Variants in BRCA1 observed in about 807,000 individuals in gnomAD.
BRCA1 encodes the protein BRCA1 DNA repair associated, also known as breast cancer type 1 susceptibility protein.
In BRCA1, 140 loss-of-function variants were observed where a neutral mutation model predicts 173.7. The observed-to-expected ratio is 0.81, with a 90% CI of 0.70 to 0.93. BRCA1 has a LOEUF of 0.93. Among genes scored for constraint, BRCA1 ranks in the 40% least tolerant of loss-of-function variants. BRCA1 has a pLI of 0.00. For synonymous variants in BRCA1, 662 were observed against 756.0 expected (o/e 0.88, Z 2.04); for missense variants, 1,983 against 2,172.5 (o/e 0.91, Z 1.73).
At chr17:43,132,126 C>T (rs772382701) in intron 1 of BRCA1, among the ~76,000 whole-genome samples, 7 of 152,150 alleles carry the variant, frequency 4.6e-5, no homozygotes, top group Non-Finnish European at 7.3e-5. Context: ...TGACATTTGC[C>T]CCAATTTACA....
intron 11 of BRCA1, among the ~76,000 whole-genome samples, chr17:43,083,926 C>A (rs1223958007): frequency 6.6e-6 from 1 of 151,990 alleles, no homozygotes; most frequent in Non-Finnish European, 1.5e-5. Flanking sequence ...TGCAGTGGTG[C>A]GATCTTGGCT....
In BRCA1 at chr17:43,092,364, G is replaced by A. The variant is rs587781588; in HGVS notation, c.3167C>T (p.Ser1056Phe). 1 of 1,613,758 alleles carries A rather than the reference G, an allele frequency of 6.2e-7. No homozygotes were observed. Among genetic ancestry groups the A allele is most frequent in the East Asian group, 2.2e-5 (1 of 44,858 alleles). Residue 1056 changes from serine (S) to phenylalanine (F), a missense_variant, in exon 10 of 23, where the codon TCC (serine) becomes TTC (phenylalanine). Transcript: ENST00000357654. ...ACTGGAACCTATTTCATTAATACTG[G>A]AGCCCACTTCATTAGTACTGGAACC... Reference protein sequence around the residue: ...EVGSSTNEVGSSINEIGSSDE... With the variant: ...EVGSSTNEVGFSINEIGSSDE...
intron 2 of BRCA1, chr17:43,119,254 CAG>C (rs2055436915): frequency 4.9e-6 from 1 of 204,272 alleles, no homozygotes. Flanking sequence ...GCCTGGGTGA[CAG>C]AGAATCCATC....
At chr17:43,045,883 T>C in intron 22 of BRCA1, 81 bp from the exon 23 acceptor site, 2 of 1,583,686 alleles carry the variant, frequency 1.3e-6, no homozygotes, top group Admixed American at 1.7e-5. Context: ...TCCAGGGTCC[T>C]GGTTGTATGA....
chr17:43,122,603 T>TG (rs2154572078), intron 2 of BRCA1, among the ~76,000 whole-genome samples: 1 of 152,198 alleles, frequency 6.6e-6, no homozygotes, highest in East Asian at 1.9e-4. Context: ...AAGGTGGTAT[T>TG]TCAATCAAGA....
In BRCA1 at chr17:43,057,105, T is replaced by C. The variant is rs1597810828; in HGVS notation, c.5224A>G (p.Asn1742Asp). 1.2e-6 allele frequency: 2 copies of C among 1,614,104 alleles called. No individual in the cohort carries two copies. The highest frequency in any genetic ancestry group is 1.1e-5 in the South Asian group (1 of 91,088). Residue 1742 changes from asparagine to aspartate, a missense_variant, in exon 19 of 23, where the codon AAT becomes GAT. Transcript: ENST00000357654. ...HDFEVRGDVV[N>D]GRNHQGPKRA... The stretch of plus-strand genomic sequence containing the variant: ...TTTGGACCTTGGTGGTTTCTTCCAT[T>C]GACCACATCTCCTCTGACTTCAAAA...
chr17:43,166,629 C>G (rs2056270152), intron 1 of BRCA1: 1 of 152,200 alleles, frequency 6.6e-6, no homozygotes, highest in Admixed American at 6.5e-5. Context: ...AAACACCACG[C>G]TCACACCACA....
Position 43,104,137 on chromosome 17 carries a change from G to C in BRCA1, c.426C>G (p.Pro142=), listed in dbSNP as rs542687218. 2.5e-6 allele frequency: 4 copies of C among 1,613,542 alleles called. No individual in the cohort carries two copies. The highest frequency in any genetic ancestry group is 8.5e-7 in the Non-Finnish European group (1 of 1,179,832). Residue 142 remains proline (P), a synonymous_variant, in exon 6 of 23, where the codon CCC becomes CCG. Transcript: ENST00000357654. ...ATGGTTTTACCAAGGAAGGATTTTC[G>C]GGTTCACTCTGTAGAAGTCTTTTGG... ...NRAKRLLQSE[P]ENPSLQETSL... is the part of the protein sequence containing the mutation.
Position 43,092,110 on chromosome 17 carries a change from GACT to G in BRCA1, c.3418_3420del (p.Ser1140del), listed in dbSNP as rs80358337. ...GTCTCAGAACAAACCTGAGATGCATGACTACTTCCCATAGGCTGTTCTAAGTTA... is the reference window on the plus strand; with the variant it reads ...GTCTCAGAACAAACCTGAGATGCATGACTTCCCATAGGCTGTTCTAAGTTA... On this transcript the variant is annotated inframe_deletion, in exon 10 of 23. Transcript: ENST00000357654. The G allele has an allele frequency of 1.4e-5, 22 of 1,613,928 alleles. No individual in the cohort carries two copies. Among genetic ancestry groups the G allele is most frequent in the Non-Finnish European group, 1.8e-5 (21 of 1,179,956 alleles).
At chr17:43,119,778 C>T (rs1488363922) in intron 2 of BRCA1, among the ~76,000 whole-genome samples, 2 of 152,094 alleles carry the variant, frequency 1.3e-5, no homozygotes, top group Non-Finnish European at 2.9e-5. Flanking sequence ...GTTATCATAC[C>T]AGATGGCTTT....
chr17:43,059,141 C>G (rs1204565461), intron 18 of BRCA1, among the ~76,000 whole-genome samples: 1 of 152,138 alleles, frequency 6.6e-6, no homozygotes, highest in East Asian at 1.9e-4. Context: ...CTTAACTTCT[C>G]TATCCAGAAG....
At chr17:43,114,942 A>C (rs1476389024) in intron 3 of BRCA1, among the ~76,000 whole-genome samples, 1 of 152,196 alleles carries the variant, frequency 6.6e-6, no homozygotes, top group Non-Finnish European at 1.5e-5. Flanking sequence ...TCAAATACGT[A>C]AATATAACTT....
At chr17:43,049,981 A>T (rs932987437) in intron 20 of BRCA1, 3 of 398,262 alleles carry the variant, frequency 7.5e-6, no homozygotes, top group African/African-American at 6.2e-5. Context: ...GTAAAAAAAC[A>T]CTGAGAAATC....
At chr17:43,166,357 A>C (rs2154581764) in intron 1 of BRCA1, 1 of 152,274 alleles carries the variant, frequency 6.6e-6, no homozygotes, top group Non-Finnish European at 1.5e-5. Context: ...AGCTCTAATC[A>C]AGTGTCTCTG....
At position 43,091,028 on chromosome 17, in the gene BRCA1, T is replaced by G; in HGVS notation, c.4101A>C (p.Glu1367Asp). 6.2e-7 allele frequency: 1 copy of G among 1,611,888 alleles called. No individual in the cohort carries two copies. Among genetic ancestry groups the G allele is most frequent in the South Asian group, 1.1e-5 (1 of 90,572 alleles). Residue 1367 changes from glutamate to aspartate, a missense_variant, in exon 11 of 23, where the codon GAA (glutamate) becomes GAC (aspartate). By Grantham distance (45) the Glu-to-Asp change is conservative. Transcript: ENST00000357654. ...TTTCACTCTCACACCCAGATGCTGCTTCACCTTAAATAACAAAAACAGAGG... is the reference window on the plus strand; with the variant it reads ...TTTCACTCTCACACCCAGATGCTGCGTCACCTTAAATAACAAAAACAGAGG... ...EEQSMDSNLG[E>D]AASGCESETS...
chr17:43,073,208 A>T (rs144034611), intron 14 of BRCA1, among the ~76,000 whole-genome samples: 33 of 152,084 alleles, frequency 2.2e-4, no homozygotes, highest in African/African-American at 7.9e-4. Context: ...ATATTGTCCA[A>T]TTTGGGGGCA....
At chr17:43,131,438 C>T (rs1338348009) in intron 1 of BRCA1, among the ~76,000 whole-genome samples, 1 of 152,076 alleles carries the variant, frequency 6.6e-6, no homozygotes, top group Non-Finnish European at 1.5e-5. Flanking sequence ...GGAGAAGCAC[C>T]AGAAGATTCC....
chr17:43,091,947 T>C lies in BRCA1; in HGVS notation c.3584A>G (p.His1195Arg), dbSNP rs28897685. The C allele has an allele frequency of 1.2e-6, 2 of 1,614,128 alleles. No homozygotes were observed. Among genetic ancestry groups the C allele is most frequent in the Non-Finnish European group, 1.7e-6 (2 of 1,180,014 alleles). Residue 1195 changes from histidine to arginine, a missense_variant, in exon 10 of 23, where the codon CAT becomes CGT. His to Arg is a conservative substitution (Grantham distance 29, BLOSUM62 0). Transcript: ENST00000357654. ...ELSRSPSPFTHTHLAQGYRRG... is the reference protein window; with the variant it reads ...ELSRSPSPFTRTHLAQGYRRG... ...TCGGTAACCCTGAGCCAAATGTGTATGGGTGAAAGGGCTAGGACTCCTGCT... is the reference window on the plus strand; with the variant it reads ...TCGGTAACCCTGAGCCAAATGTGTACGGGTGAAAGGGCTAGGACTCCTGCT...
chr17:43,108,149 C>G (rs915844879), intron 3 of BRCA1, among the ~76,000 whole-genome samples: 3 of 151,978 alleles, frequency 2.0e-5, no homozygotes, highest in African/African-American at 7.3e-5. Context: ...ACCAGCCTGG[C>G]CAACATGGTG....
Sources: allele counts gnomAD v4.1 joint callset (sites outside exome capture counted in the v4.1 genomes callset), GRCh38; gene constraint gnomAD v4.1.1; transcripts MANE v1.5; gene names NCBI Gene and HGNC (gene_info 2026-07-23, HGNC 2026-07-21).